Variants in CALD1 observed in about 807,000 individuals in gnomAD.
CALD1 encodes caldesmon.
CALD1 carries 33 observed loss-of-function variants against 99.9 expected under a neutral mutation model. The observed-to-expected ratio is 0.33, with a 90% CI of 0.25 to 0.44. The LOEUF is 0.44. CALD1 is among the 20% of genes least tolerant of loss of function. The pLI is 1.00. For synonymous variants in CALD1, 310 were observed against 325.0 expected, an observed-to-expected ratio of 0.95 and a Z score of 0.50; for missense variants, 861 against 962.1, an observed-to-expected ratio of 0.89 and a Z score of 1.39.
intron 3 of CALD1, among the ~76,000 whole-genome samples, chr7:134,895,694 CA>C (rs1280586683): frequency 6.6e-6 from 1 of 152,138 alleles, no homozygotes; most frequent in African/African-American, 2.4e-5. Context: ...TTCTCTCCTA[CA>C]AAGTAATGGG....
intron 9 of CALD1, among the ~76,000 whole-genome samples, chr7:134,957,566 C>T (rs1030823207): frequency 3.3e-5 from 5 of 152,038 alleles, no homozygotes; most frequent in East Asian, 1.9e-4. Flanking sequence ...GCTACAGGCG[C>T]GTGTCACCAC....
At chr7:134,751,332 C>A (rs1796684085) in intron 1 of CALD1, among the ~76,000 whole-genome samples, 1 of 152,228 alleles carries the variant, frequency 6.6e-6, no homozygotes, top group African/African-American at 2.4e-5. Context: ...TTATTTCCAT[C>A]TCCTCTCTGT....
intron 3 of CALD1, among the ~76,000 whole-genome samples, chr7:134,902,872 G>A (rs1247040303): frequency 2.6e-5 from 4 of 152,126 alleles, no homozygotes; most frequent in Non-Finnish European, 5.9e-5. Flanking sequence ...CATGTACTCT[G>A]TGGCTTAAAA....
chr7:134,805,470 CAGT>C (rs1798099877), intron 1 of CALD1, among the ~76,000 whole-genome samples: 2 of 152,054 alleles, frequency 1.3e-5, no homozygotes, highest in South Asian at 4.2e-4. Context: ...TTCATAGATA[CAGT>C]AGTTCTCTAT....
intron 3 of CALD1, among the ~76,000 whole-genome samples, chr7:134,883,003 T>C (rs1168603974): frequency 1.3e-5 from 2 of 152,226 alleles, no homozygotes; most frequent in Non-Finnish European, 2.9e-5. Context: ...TATTTATAAA[T>C]GGATTTTCTT....
At chr7:134,791,962 C>T (rs1002121277) in intron 1 of CALD1, among the ~76,000 whole-genome samples, 22 of 152,182 alleles carry the variant, frequency 1.4e-4, no homozygotes, top group South Asian at 2.1e-4. Context: ...TTCACTACCA[C>T]GAGAATAGTA....
At chr7:134,875,068 A>C (rs752103649) in intron 3 of CALD1, among the ~76,000 whole-genome samples, 18 of 152,262 alleles carry the variant, frequency 1.2e-4, no homozygotes, top group Non-Finnish European at 2.2e-4. Context: ...AAGAAGTTAA[A>C]TACGATATTC....
At chr7:134,914,598 C>T (rs772063682) in intron 3 of CALD1, among the ~76,000 whole-genome samples, 2 of 152,230 alleles carry the variant, frequency 1.3e-5, no homozygotes, top group Admixed American at 6.5e-5. Context: ...GTACCAAGCA[C>T]GATTGGCGCC....
At chr7:134,918,668 G>A (rs954660885) in intron 3 of CALD1, among the ~76,000 whole-genome samples, 1 of 152,194 alleles carries the variant, frequency 6.6e-6, no homozygotes, top group Non-Finnish European at 1.5e-5. Flanking sequence ...TTGGGTAGTA[G>A]GCACATGGTT....
intron 2 of CALD1, among the ~76,000 whole-genome samples, chr7:134,863,318 A>T (rs1374224734): frequency 6.6e-6 from 1 of 152,250 alleles, no homozygotes; most frequent in Non-Finnish European, 1.5e-5. Flanking sequence ...AATAAATGTT[A>T]GTTCCTTTTG....
intron 1 of CALD1, among the ~76,000 whole-genome samples, chr7:134,784,513 C>CAAAAT (rs1797232071): frequency 6.6e-6 from 1 of 152,128 alleles, no homozygotes; most frequent in Non-Finnish European, 1.5e-5. Flanking sequence ...TGCATGACAG[C>CAAAAT]CAGGTGAGTA....
intron 1 of CALD1, among the ~76,000 whole-genome samples, chr7:134,758,501 G>GTGT (rs1796748464): frequency 6.9e-6 from 1 of 145,128 alleles, no homozygotes; most frequent in Non-Finnish European, 1.5e-5. Flanking sequence ...CTCCCATTGG[G>GTGT]GTGTGTGTGT....
At chr7:134,797,812 G>A (rs1002353106) in intron 1 of CALD1, among the ~76,000 whole-genome samples, 3 of 152,192 alleles carry the variant, frequency 2.0e-5, no homozygotes, top group African/African-American at 7.2e-5. Flanking sequence ...GGATGGTCTC[G>A]ATCTCCTGAC....
At chr7:134,711,652 C>CTA in the CALD1 span, among the ~76,000 whole-genome samples, 3 of 68,400 alleles carry the variant, frequency 4.4e-5, no homozygotes, top group African/African-American at 6.7e-5. Flanking sequence ...CTCTCTCTCT[C>CTA]TCTCTCTCTA....
intron 3 of CALD1, among the ~76,000 whole-genome samples, chr7:134,895,048 T>C (rs1249441974): frequency 6.6e-6 from 1 of 151,838 alleles, no homozygotes; most frequent in Non-Finnish European, 1.5e-5. Flanking sequence ...AATTATTTAG[T>C]TCATCCCACT....
chr7:134,879,714 A>G (rs766999289), intron 3 of CALD1, among the ~76,000 whole-genome samples: 9 of 152,232 alleles, frequency 5.9e-5, no homozygotes, highest in African/African-American at 1.9e-4. Context: ...AGGTAGGTAG[A>G]CTTAAACATT....
intron 1 of CALD1, among the ~76,000 whole-genome samples, chr7:134,798,944 G>C (rs1032490862): frequency 1.3e-5 from 2 of 152,196 alleles, no homozygotes; most frequent in Non-Finnish European, 2.9e-5. Context: ...CGTTCCCTCA[G>C]AAGTCTTGTT....
intron 3 of CALD1, among the ~76,000 whole-genome samples, chr7:134,905,825 C>T (rs999742491): frequency 2.6e-5 from 4 of 151,542 alleles, no homozygotes; most frequent in Non-Finnish European, 4.4e-5. Flanking sequence ...TTCCGTATAA[C>T]TAGCCAATCC....
At position 134,936,390 on chromosome 7, in the gene CALD1, A is replaced by G. The variant is rs1805975165; in HGVS notation, c.1386+625A>G. Among the ~76,000 whole-genome samples, 4 of 152,366 alleles carry G rather than the reference A, an allele frequency of 2.6e-5. No individual in the cohort carries two copies. In the South Asian group the frequency reaches 8.3e-4, roughly 32 times the overall value. On this transcript the variant is annotated intron_variant, in intron 6 of 14. Coordinates refer to ENST00000361675, the MANE Select transcript of CALD1 (RefSeq NM_033138.4). Reference sequence around the variant, plus strand: ...CAGATAGAATGGCACGGGGTTTGACAGTAATCAGAACACCACATCAGAACA... The same window carrying G: ...CAGATAGAATGGCACGGGGTTTGACGGTAATCAGAACACCACATCAGAACA...
Sources: gnomAD v4.1 joint callset for allele counts (sites outside exome capture counted in the v4.1 genomes callset) on GRCh38, gnomAD v4.1.1 for gene constraint, MANE v1.5 for transcripts, NCBI Gene and HGNC (gene_info 2026-07-23, HGNC 2026-07-21) for gene names.